ATG16L2: variants seen among roughly 807,000 people sequenced by gnomAD.
The protein encoded by ATG16L2 is autophagy related 16 like 2.
ATG16L2 carries 77 observed loss-of-function variants against 84.7 expected under a neutral mutation model. The observed-to-expected ratio is 0.91, with a 90% CI of 0.76 to 1.10. The LOEUF is 1.10. Among genes scored for constraint, ATG16L2 ranks in the 50% least tolerant of loss-of-function variants. ATG16L2 has a pLI of 0.00. For missense variants in ATG16L2, 782 were observed against 817.6 expected (o/e 0.96, Z 0.53); for synonymous variants, 361 against 342.8 (o/e 1.05, Z -0.59).
At chr11:72,817,927 C>T (rs1275300957) in intron 3 of ATG16L2, 72 bp downstream of exon 3, 4 of 1,341,698 alleles carry the variant, frequency 3.0e-6, no homozygotes. Flanking sequence ...GACGGGTACT[C>T]CTGTGTTTGC....
chr11:72,821,770 C>G lies in ATG16L2; in HGVS notation c.392+29C>G, dbSNP rs1052648243. 2.6e-6 allele frequency: 4 copies of G among 1,525,114 alleles called. No homozygotes were observed. The Admixed American group carries it at 6.1e-5, about 23-fold the overall frequency. The allele number at this position is 1,525,114 out of a possible 1,614,324, so 94.5% of individuals were successfully genotyped here. A position where few individuals can be genotyped will look rare whatever the true frequency, so the allele number is the denominator to read the frequency against. On this transcript the variant is annotated intron_variant, in intron 4 of 17. Transcript: ENST00000321297. ...AGGCGCGGGCGGGGGCGGGAGGGAC[C>G]GCGCCCACCTCAGGGAGGCCCGGGG... is the stretch of plus-strand genomic sequence containing the variant.
At chr11:72,838,345 G>C (rs986969981) in intron 5 of ATG16L2, 2 of 159,996 alleles carry the variant, frequency 1.3e-5, no homozygotes, top group Admixed American at 6.1e-5. Context: ...TAGCCAACAT[G>C]ATCTGATTAA....
At position 72,836,469 on chromosome 11, in the gene ATG16L2, CAT is replaced by C. The variant is rs570589661; in HGVS notation, c.*22-6147_*22-6146del. Among the ~76,000 whole-genome samples the C allele has an allele frequency of 2.9e-3, 442 of 152,310 alleles. 13 individuals carry two copies. Among genetic ancestry groups the C allele is most frequent in the Admixed American group, 0.028 (426 of 15,294 alleles). ...TGCTATCTGCCCCTCCCTTCTAGCA[CAT>C]GTCCCACAGTACTGTCCTCACGTAT... On this transcript the variant is annotated intron_variant, in intron 5 of 5. Coordinates refer to the ATG16L2 transcript ENST00000534905.
At chr11:72,825,744 T>C (rs900137587) in intron 10 of ATG16L2, among the ~76,000 whole-genome samples, 5 of 152,078 alleles carry the variant, frequency 3.3e-5, no homozygotes, top group African/African-American at 1.2e-4. Flanking sequence ...GTGACCCTCT[T>C]CTAGCATCAC....
Position 72,822,890 on chromosome 11 carries a change from G to C in ATG16L2, c.753G>C (p.Glu251Asp), listed in dbSNP as rs1416729973. Residue 251 changes from glutamate (E) to aspartate (D), a missense_variant, in exon 7 of 18, where the codon GAG becomes GAC. Transcript: ENST00000321297. The surrounding 1 kb of genome is among the most constrained non-coding windows in gnomAD (Gnocchi z 4.2). ...TLGDGMRERRETLALAPEPEP... is the reference protein window; with the variant it reads ...TLGDGMRERRDTLALAPEPEP... ...GCGATGGGATGAGGGAGAGAAGGGAGACTCTGGCTCTGGCCCCTGAGCCAG... is the reference window on the plus strand; with the variant it reads ...GCGATGGGATGAGGGAGAGAAGGGACACTCTGGCTCTGGCCCCTGAGCCAG... 7 of 1,577,538 alleles carry C rather than the reference G, an allele frequency of 4.4e-6. No individual in the cohort carries two copies. The highest frequency in any genetic ancestry group is 5.2e-6 in the Non-Finnish European group (6 of 1,161,186).
intron 2 of ATG16L2, among the ~76,000 whole-genome samples, chr11:72,817,443 T>G (rs1294328425): frequency 2.0e-5 from 3 of 152,154 alleles, no homozygotes; most frequent in African/African-American, 7.2e-5. Flanking sequence ...ATGGTCTCGA[T>G]CTCTTGATCT....
rs759418387 is a variant in ATG16L2 at position 72,826,831 on chromosome 11, C to T, written c.1366+8C>T. The T allele has an allele frequency of 3.7e-6, 6 of 1,611,906 alleles. No homozygotes were observed. In the South Asian group the frequency reaches 4.4e-5, roughly 12 times the overall value. ...ACCTCGGCCGTGCCTATTGTGAGCC[C>T]GAGCCCCAGCCCCACCTCTCCTCCC... On this transcript the variant is annotated splice_region_variant and intron_variant, in intron 13 of 17. Transcript: ENST00000321297.
chr11:72,831,660 A>C (rs920956635), downstream of ATG16L2, among the ~76,000 whole-genome samples: 1 of 152,190 alleles, frequency 6.6e-6, no homozygotes, highest in Non-Finnish European at 1.5e-5. Flanking sequence ...TGCCTAGTCT[A>C]CTGAGGCCAT....
intron 5 of ATG16L2, chr11:72,838,921 G>T: frequency 6.6e-7 from 1 of 1,508,012 alleles, no homozygotes. Flanking sequence ...TCCTGACTCA[G>T]TATCTGAAGC....
Position 72,822,099 on chromosome 11 carries a change from G to A in ATG16L2, c.448G>A (p.Ala150Thr). 2 of 1,539,690 alleles carry A rather than the reference G, an allele frequency of 1.3e-6. No homozygotes were observed. Among genetic ancestry groups the A allele is most frequent in the Non-Finnish European group, 1.7e-6 (2 of 1,153,904 alleles). The change falls in exon 5 of 18, where the codon GCC becomes ACC. Residue 150 changes from alanine to threonine, a missense_variant. Ala to Thr is a moderately conservative substitution (Grantham distance 58). Transcript: ENST00000321297. This position sits in a 1 kb window ranked among gnomAD's most constrained non-coding sequence, Gnocchi z 4.2. ...AQLREARAQQ[A>T]QQVEEWRAQN... is the part of the protein sequence containing the mutation. ...GCTGCGAGAGGCGCGGGCGCAGCAG[G>A]CCCAGCAGGTGGAGGAGTGGCGGGC...
chr11:72,822,612 A>G lies in ATG16L2; in HGVS notation c.710+69A>G. The G allele has an allele frequency of 1.9e-6, 3 of 1,574,452 alleles. No homozygotes were observed. Among genetic ancestry groups the G allele is most frequent in the Non-Finnish European group, 2.6e-6 (3 of 1,159,182 alleles). ...CCGCCCCGCCTGCCTGCGGCGACCC[A>G]GGCTGCCGACTGTACTTGTGCACAG... On this transcript the variant is annotated intron_variant, in intron 6 of 17. Coordinates refer to ENST00000321297, the MANE Select transcript of ATG16L2 (RefSeq NM_033388.2). This position sits in a 1 kb window ranked among gnomAD's most constrained non-coding sequence, Gnocchi z 4.2.
intron 2 of ATG16L2, among the ~76,000 whole-genome samples, chr11:72,817,289 G>A (rs1859751543): frequency 1.3e-5 from 2 of 151,870 alleles, no homozygotes; most frequent in Admixed American, 1.3e-4. Flanking sequence ...AGGCTGGAGT[G>A]CAGTGGCGTG....
At chr11:72,837,009 T>C (rs561156974) in intron 5 of ATG16L2, 8 of 152,312 alleles carry the variant, frequency 5.3e-5, no homozygotes, top group African/African-American at 1.9e-4. Flanking sequence ...CCCTTTGAGG[T>C]TGTGGAAAAC....
intron 5 of ATG16L2, among the ~76,000 whole-genome samples, chr11:72,834,897 C>CT (rs11430316): frequency 1 from 151,813 of 152,344 alleles, 75,642 homozygotes; most frequent in Middle Eastern, 1. Context: ...CATTCCATTC[C>CT]TTTACAATTG....
intron 3 of ATG16L2, chr11:72,821,128 C>G (rs550243229): frequency 1.3e-6 from 1 of 778,550 alleles, no homozygotes; most frequent in African/African-American, 1.9e-5. Flanking sequence ...GTGGCTTGTG[C>G]CCAAATCTCT....
chr11:72,820,240 A>G (rs1367430641), intron 3 of ATG16L2: 1 of 152,208 alleles, frequency 6.6e-6, no homozygotes, highest in Non-Finnish European at 1.5e-5. Flanking sequence ...CAACCAGGAA[A>G]CTGGGATTGG....
chr11:72,829,705 C>CA, downstream of ATG16L2: 1 of 1,006,878 alleles, frequency 9.9e-7, no homozygotes, highest in Middle Eastern at 4.4e-4. Context: ...CTGGAAGATC[C>CA]AGGCTTGGCC....
At chr11:72,839,541 G>T (rs1360336700) in intron 5 of ATG16L2, among the ~76,000 whole-genome samples, 1 of 152,124 alleles carries the variant, frequency 6.6e-6, no homozygotes, top group Non-Finnish European at 1.5e-5. Context: ...GAAGTGGAAA[G>T]ATTTGCGAGC....
chr11:72,822,022 AT>A lies in ATG16L2; in HGVS notation c.393-21del. 1 of 1,484,414 alleles carries A rather than the reference AT, an allele frequency of 6.7e-7. No individual in the cohort carries two copies. The highest frequency in any genetic ancestry group is 8.8e-7 in the Non-Finnish European group (1 of 1,132,570). The allele number at this position is 1,484,414 out of a possible 1,614,324, so 92.0% of individuals were successfully genotyped here. ...TGACGGGGGAAGCTTGGGACCCGCT[AT>A]CCGCTCTTTCCGTCCTCCAGGCTGG... is the stretch of plus-strand genomic sequence containing the variant. On this transcript the variant is annotated intron_variant, in intron 4 of 17. Coordinates refer to ENST00000321297, the MANE Select transcript of ATG16L2 (RefSeq NM_033388.2). This position sits in a 1 kb window ranked among gnomAD's most constrained non-coding sequence, Gnocchi z 4.2.
Sources: gnomAD v4.1 joint callset for allele counts (sites outside exome capture counted in the v4.1 genomes callset) on GRCh38, gnomAD v4.1.1 for gene constraint, Gnocchi (gnomAD v3.1) non-coding constraint, MANE v1.5 for transcripts, NCBI Gene and HGNC (gene_info 2026-07-23, HGNC 2026-07-21) for gene names.